The following RAD51B variants were observed in gnomAD, a reference collection of about 807,000 sequenced individuals.
The protein encoded by RAD51B is RAD51 paralog B, also known as DNA repair protein RAD51 homolog 2.
RAD51B carries 38 observed loss-of-function variants against 42.2 expected under a neutral mutation model. The ratio of observed to expected loss-of-function variants is 0.90; its 90% CI spans 0.70 to 1.18. RAD51B has a LOEUF of 1.18. Among genes scored for constraint, RAD51B ranks in the 50% most tolerant of loss-of-function variants. The pLI is 0.00. For synonymous variants in RAD51B, 154 were observed against 145.2 expected (o/e 1.06, Z -0.43); for missense variants, 373 against 400.7 (o/e 0.93, Z 0.59).
At chr14:67,834,015 C>A (rs913548514) in intron 3 of RAD51B, among the ~76,000 whole-genome samples, 1 of 152,168 alleles carries the variant, frequency 6.6e-6, no homozygotes, top group African/African-American at 2.4e-5. Context: ...CCCTGGGTGG[C>A]TTCAGACAAC....
chr14:68,417,208 A>G (rs1464140393), intron 9 of RAD51B, among the ~76,000 whole-genome samples: 1 of 152,130 alleles, frequency 6.6e-6, no homozygotes, highest in African/African-American at 2.4e-5. Flanking sequence ...AGGTCGCTGT[A>G]CTTGTTCTCT....
chr14:68,072,070 A>AAAT (rs1595359041), intron 7 of RAD51B, among the ~76,000 whole-genome samples: 5 of 104,696 alleles, frequency 4.8e-5, no homozygotes, highest in Non-Finnish European at 5.5e-5. Context: ...TATTTATATA[A>AAAT]ATATATAAAT....
In RAD51B at chr14:68,044,265, G is replaced by C. The variant is rs899601215; in HGVS notation, c.756+157061G>C. Among the ~76,000 whole-genome samples, 70 of 152,362 alleles carry C rather than the reference G, an allele frequency of 4.6e-4. 1 individual carries two copies. The highest frequency in any genetic ancestry group is 2.6e-4 in the Admixed American group (4 of 15,306). ...ATTTTGAAACCAAAGGATATGAAGT[G>C]TTGGGAATTCTAGTTCTGAATTCTA... On this transcript the variant is annotated intron_variant, in intron 7 of 10. Coordinates refer to ENST00000471583, the MANE Select transcript of RAD51B (RefSeq NM_133510.4).
At chr14:68,624,822 C>A (rs939933070) in intron 10 of RAD51B, among the ~76,000 whole-genome samples, 1 of 152,134 alleles carries the variant, frequency 6.6e-6, no homozygotes, top group Non-Finnish European at 1.5e-5. Flanking sequence ...TTTTTCTAAG[C>A]AAAAGTTACT....
At chr14:67,968,577 G>A (rs2074833680) in intron 7 of RAD51B, among the ~76,000 whole-genome samples, 1 of 152,142 alleles carries the variant, frequency 6.6e-6, no homozygotes, top group Admixed American at 6.5e-5. Context: ...ACAAAATGCT[G>A]CCATTCTCTT....
At chr14:68,670,240 G>C (rs899053862) in intron 11 of RAD51B, among the ~76,000 whole-genome samples, 12 of 152,320 alleles carry the variant, frequency 7.9e-5, no homozygotes, top group Non-Finnish European at 1.6e-4. Flanking sequence ...CACCCTGGGA[G>C]CTGGGGCTCT....
chr14:68,169,151 C>T (rs1373418149), intron 7 of RAD51B, among the ~76,000 whole-genome samples: 1 of 152,162 alleles, frequency 6.6e-6, no homozygotes, highest in Non-Finnish European at 1.5e-5. Context: ...GAATTTTGGT[C>T]TCTTTTTCTT....
chr14:68,308,076 T>C (rs1310153002), intron 8 of RAD51B, among the ~76,000 whole-genome samples: 5 of 152,302 alleles, frequency 3.3e-5, no homozygotes, highest in Admixed American at 2.0e-4. Context: ...GAGCCTTTGA[T>C]TGGAGGTTCT....
At chr14:67,820,118 T>C (rs1442900676) in intron 1 of RAD51B, among the ~76,000 whole-genome samples, 2 of 152,170 alleles carry the variant, frequency 1.3e-5, no homozygotes, top group Admixed American at 1.3e-4. Flanking sequence ...GGGTGATGTT[T>C]CCGCCTGTTG....
At chr14:68,048,362 T>C (rs1018536290) in intron 7 of RAD51B, among the ~76,000 whole-genome samples, 2 of 152,248 alleles carry the variant, frequency 1.3e-5, no homozygotes, top group Non-Finnish European at 2.9e-5. Flanking sequence ...GATGAGTAGA[T>C]TGCAAAAATT....
At chr14:68,218,993 G>A (rs1172180350) in intron 7 of RAD51B, among the ~76,000 whole-genome samples, 2 of 152,198 alleles carry the variant, frequency 1.3e-5, no homozygotes, top group Admixed American at 6.6e-5. Context: ...CTGATGGTCT[G>A]GGTAGTTGGA....
intron 7 of RAD51B, among the ~76,000 whole-genome samples, chr14:68,169,733 T>C (rs562815122): frequency 6.6e-6 from 1 of 152,184 alleles, no homozygotes; most frequent in African/African-American, 2.4e-5. Context: ...GTAGCCATGA[T>C]GGGTATATTT....
intron 8 of RAD51B, among the ~76,000 whole-genome samples, chr14:68,336,395 T>C (rs1308821387): frequency 6.6e-6 from 1 of 152,276 alleles, no homozygotes; most frequent in Non-Finnish European, 1.5e-5. Flanking sequence ...GTAATGATTA[T>C]ATTTCCTTTT....
intron 7 of RAD51B, among the ~76,000 whole-genome samples, chr14:68,184,340 A>G (rs1383121052): frequency 6.6e-6 from 1 of 152,086 alleles, no homozygotes; most frequent in African/African-American, 2.4e-5. Flanking sequence ...GGCTCAAGCA[A>G]TCCTTCCATC....
chr14:68,664,783 G>C (rs1892999802), intron 11 of RAD51B, among the ~76,000 whole-genome samples: 1 of 152,126 alleles, frequency 6.6e-6, no homozygotes, highest in Admixed American at 6.5e-5. Flanking sequence ...CTCATCCTCT[G>C]GGCCATCTTG....
At chr14:68,096,677 G>A (rs2077201327) in intron 7 of RAD51B, among the ~76,000 whole-genome samples, 2 of 152,106 alleles carry the variant, frequency 1.3e-5, no homozygotes, top group African/African-American at 2.4e-5. Context: ...AGGAAACAAC[G>A]ATTCATGTTT....
intron 10 of RAD51B, among the ~76,000 whole-genome samples, chr14:68,601,087 C>G (rs1891198150): frequency 6.6e-6 from 1 of 152,130 alleles, no homozygotes; most frequent in Non-Finnish European, 1.5e-5. Flanking sequence ...CTTAAGTTCC[C>G]ATGTAGTCCA....
intron 7 of RAD51B, among the ~76,000 whole-genome samples, chr14:68,014,885 C>T (rs1271303461): frequency 6.7e-6 from 1 of 149,188 alleles, no homozygotes; most frequent in African/African-American, 2.5e-5. Context: ...GGATTCATTG[C>T]TATCTTGTTT....
At chr14:68,231,363 T>C (rs2140983052) in intron 7 of RAD51B, among the ~76,000 whole-genome samples, 1 of 152,322 alleles carries the variant, frequency 6.6e-6, no homozygotes, top group South Asian at 2.1e-4. Flanking sequence ...CCAACCTTAT[T>C]GAATCTCTCC....
Sources: gnomAD v4.1 joint callset for allele counts (sites outside exome capture counted in the v4.1 genomes callset) on GRCh38, gnomAD v4.1.1 for gene constraint, MANE v1.5 for transcripts, NCBI Gene and HGNC (gene_info 2026-07-23, HGNC 2026-07-21) for gene names.